ING1: variants seen among roughly 807,000 people sequenced by gnomAD.
ING1 encodes the protein inhibitor of growth protein 1.
In ING1, 4 loss-of-function variants were observed where a neutral mutation model predicts 23.1. The observed-to-expected ratio is 0.17, with a 90% CI of 0.09 to 0.40. The LOEUF (loss-of-function observed/expected upper bound fraction) is 0.40, where lower values mean the gene tolerates loss of function less well. Ranked by LOEUF, ING1 falls within the 10% of genes least tolerant of loss-of-function variation. ING1 has a pLI of 1.00. For synonymous variants in ING1, 179 were observed against 166.4 expected (o/e 1.08, Z -0.58); for missense variants, 256 against 393.8 (o/e 0.65, Z 2.96).
intron 1 of ING1, among the ~76,000 whole-genome samples, chr13:110,717,320 TTGTTCCTC>T (rs2064132087): frequency 6.6e-6 from 1 of 152,240 alleles, no homozygotes; most frequent in Admixed American, 6.5e-5. Flanking sequence ...GCAGCCTGCA[TTGTTCCTC>T]TAGGAGTCTT....
chr13:110,713,286 C>A (rs183908864), upstream of ING1: 13 of 1,278,216 alleles, frequency 1.0e-5, no homozygotes, highest in Middle Eastern at 9.1e-4. Context: ...GAGCGAGTTG[C>A]GGTAGTTGCT....
Position 110,714,065 on chromosome 13 carries a change from T to G in ING1, c.-85T>G. 3 of 1,371,018 alleles carry G rather than the reference T, an allele frequency of 2.2e-6. No homozygotes were observed. The highest frequency in any genetic ancestry group is 2.8e-6 in the Non-Finnish European group (3 of 1,054,708). 84.9% of individuals were successfully genotyped at this position (1,371,018 alleles called of 1,614,324 possible). ...GCGCCGGGAGAGCGAGGGCTTTGCA[T>G]TTTGCAGTGCTATTTTTTGAGGGGG... On this transcript the variant is annotated 5_prime_UTR_variant, in exon 1 of 2. Coordinates refer to ENST00000333219, the MANE Select transcript of ING1 (RefSeq NM_198219.3).
rs959117802 is a variant in ING1 at position 110,719,198 on chromosome 13, C to T, written c.137-31C>T. On this transcript the variant is annotated intron_variant, in intron 1 of 1. Transcript: ENST00000333219. The surrounding 1 kb of genome is among the most constrained non-coding windows in gnomAD (Gnocchi z 8.9). Reference sequence around the variant, plus strand: ...GTGTGGGTTGTCCCGGTGTCCTGCTCGCGAGTGACGCCTGTCCTTCTTGCC... The same window carrying T: ...GTGTGGGTTGTCCCGGTGTCCTGCTTGCGAGTGACGCCTGTCCTTCTTGCC... 3.1e-6 allele frequency: 5 copies of T among 1,605,818 alleles called. No individual in the cohort carries two copies. The highest frequency in any genetic ancestry group is 2.7e-5 in the African/African-American group (2 of 74,780).
chr13:110,715,685 G>T (rs927683467), intron 1 of ING1: 11 of 1,602,036 alleles, frequency 6.9e-6, no homozygotes, highest in African/African-American at 1.3e-5. Flanking sequence ...TCCGCCCTGC[G>T]GTGTGGTTGG....
chr13:110,718,727 TTTA>T, intron 1 of ING1, among the ~76,000 whole-genome samples: 1 of 151,786 alleles, frequency 6.6e-6, no homozygotes, highest in East Asian at 1.9e-4. Flanking sequence ...TATAATATAT[TTTA>T]TTAATGTTTG....
chr13:110,715,256 A>G (rs931103330), intron 1 of ING1: 2 of 1,373,720 alleles, frequency 1.5e-6, no homozygotes, highest in Non-Finnish European at 1.9e-6. Context: ...GCTGCGCAGT[A>G]GGGAAACGGA....
chr13:110,715,373 A>G, intron 1 of ING1: 1 of 1,497,828 alleles, frequency 6.7e-7, no homozygotes, highest in Non-Finnish European at 8.9e-7. Flanking sequence ...GTAGCTTCGC[A>G]GCGAATTTTA....
At chr13:110,712,956 T>A, upstream of ING1, 1 of 1,558,712 alleles carries the variant, frequency 6.4e-7, no homozygotes. Context: ...CTGCTGGGAG[T>A]GGTGGTCCGG....
rs763202382 is a variant in ING1, at chr13:110,715,801, T to C, written c.136+1516T>C. 5 of 1,586,264 alleles carry C rather than the reference T, an allele frequency of 3.2e-6. No homozygotes were observed. In the Admixed American group the frequency reaches 7.1e-5, roughly 23 times the overall value. On this transcript the variant is annotated intron_variant, in intron 1 of 1. Coordinates refer to ENST00000333219, the MANE Select transcript of ING1 (RefSeq NM_198219.3). Reference sequence around the variant, plus strand: ...GCCTCCTCCCCATTGGCTGGAGGCCTGGCGGGTGTCGCCCCGGCCCCTCTC... The same window carrying C: ...GCCTCCTCCCCATTGGCTGGAGGCCCGGCGGGTGTCGCCCCGGCCCCTCTC...
Position 110,719,494 on chromosome 13 carries a change from C to T in ING1, c.402C>T (p.Pro134=), listed in dbSNP as rs975640644. The change falls in exon 2 of 2, where the codon CCC becomes CCT. Residue 134 remains proline (P), a synonymous_variant. Transcript: ENST00000333219. The surrounding 1 kb of genome is among the most constrained non-coding windows in gnomAD (Gnocchi z 8.9). ...GNSGKAGADR[P]KGEAAAQADK... ...GCGGCAAGGCTGGCGCGGACAGGCC[C>T]AAAGGCGAGGCGGCAGCGCAGGCTG... 2.5e-6 allele frequency: 4 copies of T among 1,612,216 alleles called. No homozygotes were observed. Among genetic ancestry groups the T allele is most frequent in the African/African-American group, 1.3e-5 (1 of 74,868 alleles).
rs775113179 is a variant in ING1 at position 110,715,453 on chromosome 13, G to T, written c.136+1168G>T. On this transcript the variant is annotated intron_variant, in intron 1 of 1. Transcript: ENST00000333219. ...CCAGTAGTTGGCTGTGATGTCCTTC[G>T]TGGAATGTCCTTATCATTCCCCTGC... is the stretch of plus-strand genomic sequence containing the variant. The T allele has an allele frequency of 6.3e-7, 1 of 1,593,990 alleles. No homozygotes were observed. Among genetic ancestry groups the T allele is most frequent in the Non-Finnish European group, 8.6e-7 (1 of 1,167,494 alleles).
Position 110,714,057 on chromosome 13 carries a change from G to A in ING1, c.-93G>A, listed in dbSNP as rs1034627600. 3.2e-5 allele frequency: 43 copies of A among 1,334,770 alleles called. No individual in the cohort carries two copies. The Admixed American group carries it at 5.4e-4, about 17-fold the overall frequency. 82.7% of individuals were successfully genotyped at this position (1,334,770 alleles called of 1,614,324 possible). On this transcript the variant is annotated 5_prime_UTR_variant, in exon 1 of 2. Coordinates refer to ENST00000333219, the MANE Select transcript of ING1 (RefSeq NM_198219.3). Reference sequence around the variant, plus strand: ...GCGGGGGGGCGCCGGGAGAGCGAGGGCTTTGCATTTTGCAGTGCTATTTTT... The same window carrying A: ...GCGGGGGGGCGCCGGGAGAGCGAGGACTTTGCATTTTGCAGTGCTATTTTT...
Position 110,719,939 on chromosome 13 carries a change from G to A in ING1, c.*7G>A, listed in dbSNP as rs191659851. On this transcript the variant is annotated 3_prime_UTR_variant, in exon 2 of 2. Coordinates refer to ENST00000333219, the MANE Select transcript of ING1 (RefSeq NM_198219.3). This position sits in a 1 kb window ranked among gnomAD's most constrained non-coding sequence, Gnocchi z 8.9. Reference sequence around the variant, plus strand: ...GAGGGCTTACAACAGGTAGTTTGTGGACAGGCGCCTGGTGTGAGGAGGACA... The same window carrying A: ...GAGGGCTTACAACAGGTAGTTTGTGAACAGGCGCCTGGTGTGAGGAGGACA... 2 of 1,587,240 alleles carry A rather than the reference G, an allele frequency of 1.3e-6. No individual in the cohort carries two copies. Among genetic ancestry groups the A allele is most frequent in the East Asian group, 4.5e-5 (2 of 44,620 alleles).
At chr13:110,716,951 A>G (rs1310022893) in intron 1 of ING1, among the ~76,000 whole-genome samples, 1 of 152,226 alleles carries the variant, frequency 6.6e-6, no homozygotes, top group Non-Finnish European at 1.5e-5. Flanking sequence ...AATATTAGGT[A>G]ACAGAAATAC....
At chr13:110,715,813 CCCCGGCCCCTCTCCCCGCTCAG>C (rs756193353) in intron 1 of ING1, 7 of 1,584,318 alleles carry the variant, frequency 4.4e-6, no homozygotes, top group Non-Finnish European at 6.0e-6. Flanking sequence ...GCGGGTGTCG[CCCCGGCCCCTCTCCCCGCTCAG>C]CCCGGCCACT....
rs2064078278 is a variant in ING1, at chr13:110,714,139, C to T, written c.-11C>T. ...GCCGCGCCGAGTCGCCGGGGACCTC[C>T]GGGGTGAACCATGTTGAGTCCTGCC... On this transcript the variant is annotated 5_prime_UTR_variant, in exon 1 of 2. Coordinates refer to ENST00000333219, the MANE Select transcript of ING1 (RefSeq NM_198219.3). The T allele has an allele frequency of 5.2e-6, 8 of 1,523,992 alleles. No individual in the cohort carries two copies. Among genetic ancestry groups the T allele is most frequent in the Middle Eastern group, 1.7e-4 (1 of 5,772 alleles). The allele number at this position is 1,523,992 out of a possible 1,614,324, so 94.4% of individuals were successfully genotyped here. A position where few individuals can be genotyped will look rare whatever the true frequency, so the allele number is the denominator to read the frequency against.
chr13:110,716,924 GC>G (rs769032537), intron 1 of ING1, among the ~76,000 whole-genome samples: 4 of 152,136 alleles, frequency 2.6e-5, no homozygotes, highest in Non-Finnish European at 5.9e-5. Context: ...AAAATACTTT[GC>G]TTGGAGTATC....
At position 110,713,729 on chromosome 13, in the gene ING1, G is replaced by A. The variant is rs2064069856; in HGVS notation, c.-421G>A. The A allele has an allele frequency of 2.0e-6, 2 of 985,092 alleles. No homozygotes were observed. The highest frequency in any genetic ancestry group is 2.4e-6 in the Non-Finnish European group (2 of 829,868). 61.0% of individuals were successfully genotyped at this position (985,092 alleles called of 1,614,324 possible). On this transcript the variant is annotated 5_prime_UTR_variant, in exon 1 of 2. Coordinates refer to ENST00000333219, the MANE Select transcript of ING1 (RefSeq NM_198219.3). ...TTTCCACGTTGGACAAGTGCGGCTC[G>A]GCGGCCAGCGGAGCGCGCCCCTTCC... is the stretch of plus-strand genomic sequence containing the variant.
intron 1 of ING1, chr13:110,715,812 G>T (rs753142288): frequency 1.3e-6 from 2 of 1,582,724 alleles, no homozygotes; most frequent in Non-Finnish European, 1.7e-6. Context: ...GGCGGGTGTC[G>T]CCCCGGCCCC....
Sources: gnomAD v4.1 joint callset for allele counts (sites outside exome capture counted in the v4.1 genomes callset) on GRCh38, gnomAD v4.1.1 for gene constraint, Gnocchi (gnomAD v3.1) non-coding constraint, MANE v1.5 for transcripts, NCBI Gene and HGNC (gene_info 2026-07-23, HGNC 2026-07-21) for gene names.